Variants in RUNX1 observed in about 807,000 individuals in gnomAD.
RUNX1 encodes the protein runt-related transcription factor 1.
Under a neutral mutation model 42.8 loss-of-function variants are expected in RUNX1, and 19 were observed. The observed-to-expected ratio is 0.44, with a 90% CI of 0.31 to 0.65. The LOEUF is 0.65. Among genes scored for constraint, RUNX1 ranks in the 30% least tolerant of loss-of-function variants. The pLI is 0.07. For synonymous variants in RUNX1, 271 were observed against 289.4 expected, an observed-to-expected ratio of 0.94 and a Z score of 0.64; for missense variants, 528 against 672.0, an observed-to-expected ratio of 0.79 and a Z score of 2.37.
Position 34,792,752 on chromosome 21 carries a change from A to C in RUNX1, c.968-142T>G. ...ACCCAGGATGCTACTGCTGGGGAGG[A>C]CGGGGACCACCCGGGATGCTACTCC... On this transcript the variant is annotated intron_variant, in intron 8 of 8. Coordinates refer to ENST00000675419, the MANE Select transcript of RUNX1 (RefSeq NM_001754.5). The surrounding 1 kb of genome is among the most constrained non-coding windows in gnomAD (Gnocchi z 6.9). The C allele has an allele frequency of 1.3e-6, 1 of 796,092 alleles. No individual in the cohort carries two copies. The allele number at this position is 796,092 out of a possible 1,614,324, so 49.3% of individuals were successfully genotyped here.
intron 3 of RUNX1, among the ~76,000 whole-genome samples, chr21:34,890,155 G>A (rs1441476398): frequency 6.6e-6 from 1 of 151,848 alleles, no homozygotes; most frequent in African/African-American, 2.4e-5. Flanking sequence ...TTTCCCGGGC[G>A]GGCCCGGACT....
chr21:35,043,011 A>G (rs940069291), intron 2 of RUNX1, among the ~76,000 whole-genome samples: 20 of 152,224 alleles, frequency 1.3e-4, no homozygotes, highest in African/African-American at 4.6e-4. Flanking sequence ...CCAAGAGAGT[A>G]TAACACGTGT....
intron 2 of RUNX1, among the ~76,000 whole-genome samples, chr21:34,976,258 A>AT (rs2058801130): frequency 6.6e-6 from 1 of 152,240 alleles, no homozygotes; most frequent in Admixed American, 6.5e-5. Context: ...TTATTAGCAC[A>AT]TATCTTGCAA....
chr21:35,004,995 A>T (rs1001150154), intron 2 of RUNX1, among the ~76,000 whole-genome samples: 1 of 152,200 alleles, frequency 6.6e-6, no homozygotes, highest in Non-Finnish European at 1.5e-5. Flanking sequence ...TCTGTGCCAC[A>T]GTTTTAAGAC....
chr21:34,831,478 G>A (rs1475008103), intron 7 of RUNX1, among the ~76,000 whole-genome samples: 2 of 152,168 alleles, frequency 1.3e-5, no homozygotes, highest in Non-Finnish European at 2.9e-5. Flanking sequence ...AGAGTCAGAG[G>A]AGCTGGCATA....
intron 2 of RUNX1, among the ~76,000 whole-genome samples, chr21:35,043,541 G>T (rs79776085): frequency 5.2e-4 from 79 of 152,314 alleles, no homozygotes; most frequent in African/African-American, 1.8e-3. Context: ...TTTTTAAGTG[G>T]CTTTGTGTTA....
intron 2 of RUNX1, among the ~76,000 whole-genome samples, chr21:34,993,778 GACAC>G (rs780503078): frequency 1.0e-4 from 5 of 47,864 alleles, no homozygotes; most frequent in East Asian, 4.8e-4. Context: ...CACACACACA[GACAC>G]ACACACACAG....
intron 7 of RUNX1, among the ~76,000 whole-genome samples, chr21:34,802,105 T>G (rs1415472525): frequency 6.6e-6 from 1 of 152,062 alleles, no homozygotes; most frequent in Non-Finnish European, 1.5e-5. Context: ...AGATGTGGGG[T>G]GAAGAGTGGT....
chr21:35,041,262 T>C (rs886316012), intron 2 of RUNX1, among the ~76,000 whole-genome samples: 2 of 152,236 alleles, frequency 1.3e-5, no homozygotes, highest in African/African-American at 2.4e-5. Context: ...CCAATGGACA[T>C]GTTTCAAGAC....
chr21:34,841,033 G>C (rs149097953), intron 6 of RUNX1, among the ~76,000 whole-genome samples: 4,129 of 152,210 alleles, frequency 0.027, 67 homozygotes, highest in African/African-American at 0.04. Flanking sequence ...GCTGCACCTG[G>C]GAAGAAAGCC....
At chr21:34,924,656 G>C (rs899724801) in intron 2 of RUNX1, among the ~76,000 whole-genome samples, 5 of 152,174 alleles carry the variant, frequency 3.3e-5, no homozygotes, top group Admixed American at 1.3e-4. Context: ...CCATTTGAAG[G>C]AGTATCATGT....
intron 2 of RUNX1, among the ~76,000 whole-genome samples, chr21:34,958,458 A>G (rs2058660824): frequency 6.6e-6 from 1 of 152,248 alleles, no homozygotes; most frequent in Admixed American, 6.5e-5. Context: ...AATGCTCATC[A>G]TCACTGGCCA....
At chr21:34,959,599 C>T (rs1238700017) in intron 2 of RUNX1, among the ~76,000 whole-genome samples, 1 of 152,086 alleles carries the variant, frequency 6.6e-6, no homozygotes, top group Non-Finnish European at 1.5e-5. Context: ...GATAAGAAGA[C>T]CTGAACGTAC....
chr21:34,882,960 T>C (rs1441336700), intron 4 of RUNX1, among the ~76,000 whole-genome samples: 1 of 152,214 alleles, frequency 6.6e-6, no homozygotes, highest in Non-Finnish European at 1.5e-5. Context: ...TAACTCATTG[T>C]TGGGTCTGGA....
intron 3 of RUNX1, chr21:34,888,434 C>T: frequency 9.4e-7 from 1 of 1,066,710 alleles, no homozygotes; most frequent in Non-Finnish European, 1.1e-6. Context: ...GGGAAAAGTT[C>T]GCAGCCAGGA....
chr21:34,908,401 A>G (rs1460566836), intron 2 of RUNX1, among the ~76,000 whole-genome samples: 4 of 152,170 alleles, frequency 2.6e-5, no homozygotes, highest in Non-Finnish European at 5.9e-5. Flanking sequence ...TAAGGGAGGA[A>G]CTAAAAAATG....
Position 34,922,404 on chromosome 21 carries a change from T to G in RUNX1, c.59-29441A>C, listed in dbSNP as rs930317625. Among the ~76,000 whole-genome samples, 43 of 152,192 alleles carry G rather than the reference T, an allele frequency of 2.8e-4. 1 individual carries two copies. Reference sequence around the variant, plus strand: ...TTTATGAGGTAGGTACTTTACTGTCTTTATATCAAAGACAAGGAATTAAGG... The same window carrying G: ...TTTATGAGGTAGGTACTTTACTGTCGTTATATCAAAGACAAGGAATTAAGG... On this transcript the variant is annotated intron_variant, in intron 2 of 8. Coordinates refer to ENST00000675419, the MANE Select transcript of RUNX1 (RefSeq NM_001754.5).
At position 34,791,629 on chromosome 21, in the gene RUNX1, A is replaced by T. The variant is rs2056435908; in HGVS notation, c.*506T>A. On this transcript the variant is annotated 3_prime_UTR_variant, in exon 9 of 9. Transcript: ENST00000675419. ...AATGCAAATACGCATTTTGCAATTG[A>T]TAAGGTGCGGAAAAATTAAAAATAA... 1 of 231,080 alleles carries T rather than the reference A, an allele frequency of 4.3e-6. No homozygotes were observed. Among genetic ancestry groups the T allele is most frequent in the Non-Finnish European group, 8.6e-6 (1 of 116,508 alleles). The allele number at this position is 231,080 out of a possible 1,614,324, so 14.3% of individuals were successfully genotyped here.
intron 7 of RUNX1, among the ~76,000 whole-genome samples, chr21:34,826,089 A>G (rs1447790471): frequency 6.6e-6 from 1 of 152,246 alleles, no homozygotes; most frequent in Non-Finnish European, 1.5e-5. Flanking sequence ...TAAAACAGCC[A>G]CAGGAAACTA....
Sources: allele counts gnomAD v4.1 joint callset (sites outside exome capture counted in the v4.1 genomes callset), GRCh38; gene constraint gnomAD v4.1.1; non-coding constraint Gnocchi (gnomAD v3.1); transcripts MANE v1.5; gene names NCBI Gene and HGNC (gene_info 2026-07-23, HGNC 2026-07-21).